Variants in LPP observed in about 807,000 individuals in gnomAD.
LPP encodes the protein LIM domain containing preferred translocation partner in lipoma.
In LPP, 38 loss-of-function variants were observed where a neutral mutation model predicts 60.4. That is an observed-to-expected ratio of 0.63 (90% confidence interval 0.49 to 0.83). The LOEUF (loss-of-function observed/expected upper bound fraction) is 0.83. LPP is among the 40% of genes least tolerant of loss of function. The probability of loss-of-function intolerance (pLI) is 0.00; values close to 1 mark genes in which losing one functional copy is unlikely to be tolerated. For missense variants in LPP, 902 were observed against 783.6 expected (o/e 1.15, Z -1.80); for synonymous variants, 328 against 290.8 (o/e 1.13, Z -1.30).
chr3:188,839,644 G>A (rs1759400023), intron 9 of LPP, among the ~76,000 whole-genome samples: 1 of 152,058 alleles, frequency 6.6e-6, no homozygotes, highest in African/African-American at 2.4e-5. Context: ...GGAGGCTGAG[G>A]CGGACAGATT....
chr3:188,514,147 G>C (rs1816635608), intron 5 of LPP, among the ~76,000 whole-genome samples: 1 of 152,140 alleles, frequency 6.6e-6, no homozygotes, highest in South Asian at 2.1e-4. Flanking sequence ...CTTAAGGATG[G>C]ATCTGAATGA....
chr3:188,630,249 C>G (rs1026527098), intron 7 of LPP, among the ~76,000 whole-genome samples: 11 of 152,042 alleles, frequency 7.2e-5, no homozygotes, highest in African/African-American at 2.7e-4. Context: ...TATTGAGAAT[C>G]TATATGGAAC....
rs1770005672 is a variant in LPP at position 188,881,425 on chromosome 3, A to G, written c.*6946A>G. The G allele has an allele frequency of 1.5e-5, 3 of 206,026 alleles. No individual in the cohort carries two copies. Among genetic ancestry groups the G allele is most frequent in the African/African-American group, 6.8e-5 (3 of 43,946 alleles). 12.8% of individuals were successfully genotyped at this position (206,026 alleles called of 1,614,324 possible). ...TTCTTTAAACAGTGGACACAAACAT[A>G]TTTTCTAATTTTCAGTGTACTCAGT... On this transcript the variant is annotated 3_prime_UTR_variant, in exon 12 of 12. Transcript: ENST00000617246.
At chr3:188,856,512 A>G (rs961035363) in intron 9 of LPP, among the ~76,000 whole-genome samples, 3 of 152,192 alleles carry the variant, frequency 2.0e-5, no homozygotes, top group Admixed American at 2.0e-4. Context: ...CTCCAGCGAA[A>G]AGAGCTTTAT....
chr3:188,603,624 A>G (rs1257407122), intron 6 of LPP, among the ~76,000 whole-genome samples: 1 of 152,170 alleles, frequency 6.6e-6, no homozygotes, highest in Non-Finnish European at 1.5e-5. Flanking sequence ...TAATTTCTAT[A>G]TAAATGTTTG....
chr3:188,334,144 T>C (rs1344936304), intron 2 of LPP, among the ~76,000 whole-genome samples: 8 of 152,216 alleles, frequency 5.3e-5, no homozygotes, highest in Admixed American at 5.2e-4. Flanking sequence ...CTGGCTTATT[T>C]CACTTAACAT....
At chr3:188,498,333 C>T (rs1195307453) in intron 5 of LPP, among the ~76,000 whole-genome samples, 16 of 152,058 alleles carry the variant, frequency 1.1e-4, no homozygotes, top group Admixed American at 8.5e-4. Flanking sequence ...ACCTCTATAC[C>T]GCTTCACCAA....
At chr3:188,613,321 G>A (rs73888856) in intron 7 of LPP, among the ~76,000 whole-genome samples, 27,358 of 79,688 alleles carry the variant, frequency 0.34, 2,608 homozygotes, top group African/African-American at 0.36. Context: ...TATATATATC[G>A]CTGTGAGTTG....
intron 8 of LPP, among the ~76,000 whole-genome samples, chr3:188,732,228 C>G (rs1242000081): frequency 6.6e-6 from 1 of 152,084 alleles, no homozygotes; most frequent in Non-Finnish European, 1.5e-5. Flanking sequence ...TTATGGTTCC[C>G]CCATGGAAAT....
intron 6 of LPP, among the ~76,000 whole-genome samples, chr3:188,560,672 C>A (rs1019563672): frequency 2.6e-5 from 4 of 152,026 alleles, no homozygotes; most frequent in African/African-American, 9.7e-5. Flanking sequence ...TGAAGCCTAT[C>A]TTTTTCTATG....
At position 188,438,125 on chromosome 3, in the gene LPP, A is replaced by G. The variant is rs1792807624; in HGVS notation, c.193+31812A>G. ...TGGATATAATATCCTTTTGGACTGG[A>G]TCATGTCGTTTCATTGCAGTCAGGA... On this transcript the variant is annotated intron_variant, in intron 4 of 11. Coordinates refer to ENST00000617246, the MANE Select transcript of LPP (RefSeq NM_001375462.1). 1.3e-5 allele frequency among the ~76,000 whole-genome samples: 2 copies of G among 152,056 alleles called. 1 individual carries two copies. The highest frequency in any genetic ancestry group is 4.1e-4 in the South Asian group (2 of 4,820).
intron 7 of LPP, among the ~76,000 whole-genome samples, chr3:188,630,456 C>T (rs1345702711): frequency 6.6e-6 from 1 of 152,068 alleles, no homozygotes; most frequent in Non-Finnish European, 1.5e-5. Context: ...ATTAAAAAGT[C>T]AAAATTAATA....
At chr3:188,622,759 G>A (rs1161959798) in intron 7 of LPP, among the ~76,000 whole-genome samples, 2 of 152,100 alleles carry the variant, frequency 1.3e-5, no homozygotes, top group Admixed American at 1.3e-4. Context: ...GCCAGGCACA[G>A]TGGCTCACAC....
At position 188,619,161 on chromosome 3, in the gene LPP, A is replaced by G. The variant is rs550978897; in HGVS notation, c.1113+9317A>G. 2.0e-5 allele frequency among the ~76,000 whole-genome samples: 3 copies of G among 152,218 alleles called. No individual in the cohort carries two copies. The South Asian group carries it at 6.2e-4, about 32-fold the overall frequency. ...TGCCTCAGCCTCCCAAGTAGCTGGGATTACAGGCATCTGCCACCAGGCCCA... is the reference window on the plus strand; with the variant it reads ...TGCCTCAGCCTCCCAAGTAGCTGGGGTTACAGGCATCTGCCACCAGGCCCA... On this transcript the variant is annotated intron_variant, in intron 7 of 11. Coordinates refer to ENST00000617246, the MANE Select transcript of LPP (RefSeq NM_001375462.1).
chr3:188,644,157 G>A (rs1850693333), intron 7 of LPP, among the ~76,000 whole-genome samples: 1 of 152,170 alleles, frequency 6.6e-6, no homozygotes, highest in African/African-American at 2.4e-5. Context: ...AGGGATCTGA[G>A]CTAGACTTTC....
intron 2 of LPP, among the ~76,000 whole-genome samples, chr3:188,241,590 A>C (rs1724865705): frequency 6.6e-6 from 1 of 152,182 alleles, no homozygotes; most frequent in Admixed American, 6.5e-5. Context: ...GTGTTATAAT[A>C]TACTTGAGTT....
rs371299673 is a variant in LPP, at chr3:188,701,111, T to C, written c.1114-7156T>C. Among the ~76,000 whole-genome samples the C allele has an allele frequency of 9.2e-5, 14 of 152,362 alleles. 1 individual carries two copies. The highest frequency in any genetic ancestry group is 3.9e-4 in the East Asian group (2 of 5,188). On this transcript the variant is annotated intron_variant, in intron 7 of 11. Transcript: ENST00000617246. ...TAATCAAATACCATGAAGTGTTATA[T>C]GAATATGACAGATACTGTTATGTAT... is the stretch of plus-strand genomic sequence containing the variant.
At chr3:188,505,697 A>G (rs1314437782) in intron 5 of LPP, among the ~76,000 whole-genome samples, 2 of 152,060 alleles carry the variant, frequency 1.3e-5, no homozygotes, top group Non-Finnish European at 2.9e-5. Context: ...CTTTCTTTGT[A>G]TATCTATCAC....
intron 6 of LPP, among the ~76,000 whole-genome samples, chr3:188,548,513 G>T (rs1827252068): frequency 6.6e-6 from 1 of 152,182 alleles, no homozygotes; most frequent in African/African-American, 2.4e-5. Context: ...TTATCACCAT[G>T]CAGCACTTCA....
Sources: allele counts gnomAD v4.1 joint callset (sites outside exome capture counted in the v4.1 genomes callset), GRCh38; gene constraint gnomAD v4.1.1; transcripts MANE v1.5; gene names NCBI Gene and HGNC (gene_info 2026-07-23, HGNC 2026-07-21).